RAB43: variants seen among roughly 807,000 people sequenced by gnomAD.
RAB43 encodes the protein ras-related protein Rab-43.
In RAB43, 6 loss-of-function variants were observed where a neutral mutation model predicts 18.8. The observed-to-expected ratio is 0.32, with a 90% CI of 0.17 to 0.63. RAB43 has a LOEUF of 0.63. Ranked by LOEUF, RAB43 falls within the 30% of genes least tolerant of loss-of-function variation. RAB43 has a pLI of 0.79. For synonymous variants in RAB43, 103 were observed against 124.1 expected (o/e 0.83, Z 1.13); for missense variants, 195 against 289.1 (o/e 0.67, Z 2.36).
chr3:129,092,305 A>G (rs978793925), intron 2 of RAB43, among the ~76,000 whole-genome samples: 2 of 152,188 alleles, frequency 1.3e-5, no homozygotes, highest in African/African-American at 4.8e-5. Flanking sequence ...AAGTGTTTAA[A>G]TATTTTGTAG....
intron 2 of RAB43, 97 bp from the exon 3 acceptor site, chr3:129,091,443 C>T (rs1201140585): frequency 7.0e-7 from 1 of 1,430,050 alleles, no homozygotes; most frequent in African/African-American, 1.4e-5. Flanking sequence ...CCACTCCCTT[C>T]CACCACTATA....
intron 1 of RAB43, among the ~76,000 whole-genome samples, chr3:129,103,958 A>G (rs1934593050): frequency 6.6e-6 from 1 of 152,072 alleles, no homozygotes; most frequent in African/African-American, 2.4e-5. Flanking sequence ...ACACACACAC[A>G]CATGCACACA....
intron 1 of RAB43, among the ~76,000 whole-genome samples, chr3:129,102,491 G>A (rs979989287): frequency 2.6e-5 from 4 of 151,920 alleles, no homozygotes; most frequent in African/African-American, 7.3e-5. Context: ...TTAGCTGGGC[G>A]TGGTGGCGGT....
intron 1 of RAB43, among the ~76,000 whole-genome samples, chr3:129,098,241 T>A (rs1934183522): frequency 6.6e-6 from 1 of 152,164 alleles, no homozygotes; most frequent in Non-Finnish European, 1.5e-5. Flanking sequence ...GCCTAAAGAA[T>A]AGGCCTCCAT....
intron 1 of RAB43, among the ~76,000 whole-genome samples, chr3:129,101,057 T>C (rs1487943584): frequency 6.6e-6 from 1 of 152,164 alleles, no homozygotes; most frequent in African/African-American, 2.4e-5. Flanking sequence ...CCACCCGCCA[T>C]GGCCTCCCAA....
At chr3:129,112,369 C>T (rs947322156) in intron 1 of RAB43, among the ~76,000 whole-genome samples, 2 of 151,972 alleles carry the variant, frequency 1.3e-5, no homozygotes, top group African/African-American at 4.8e-5. Context: ...TTTTATACTC[C>T]ATGGCCATAA....
intron 1 of RAB43, among the ~76,000 whole-genome samples, chr3:129,120,378 C>T (rs974639257): frequency 6.6e-6 from 1 of 152,172 alleles, no homozygotes; most frequent in South Asian, 2.1e-4. Context: ...CAGCCCTGTG[C>T]CCTGAGGGTG....
In RAB43 at chr3:129,095,220, G is replaced by A; in HGVS notation, c.205-51C>T. ...ACCCAGTGGCACAGGCTGAACATGG[G>A]GACAGGCAGAGTGACCCCACAGACC... On this transcript the variant is annotated intron_variant, in intron 1 of 2. Transcript: ENST00000315150. This position sits in a 1 kb window ranked among gnomAD's most constrained non-coding sequence, Gnocchi z 4.2. 2 of 1,583,344 alleles carry A rather than the reference G, an allele frequency of 1.3e-6. No homozygotes were observed. The highest frequency in any genetic ancestry group is 1.7e-6 in the Non-Finnish European group (2 of 1,163,080).
intron 1 of RAB43, among the ~76,000 whole-genome samples, chr3:129,117,685 C>A (rs1195055598): frequency 6.6e-6 from 1 of 152,228 alleles, no homozygotes; most frequent in East Asian, 1.9e-4. Context: ...GCAATGGCCA[C>A]AACTGCATTT....
At chr3:129,093,059 C>T (rs920750276) in intron 2 of RAB43, among the ~76,000 whole-genome samples, 4 of 151,496 alleles carry the variant, frequency 2.6e-5, no homozygotes, top group African/African-American at 4.8e-5. Flanking sequence ...GGCACGATCT[C>T]GGCTCACTAC....
intron 1 of RAB43, among the ~76,000 whole-genome samples, chr3:129,120,918 G>A (rs1428730556): frequency 1.3e-5 from 2 of 152,194 alleles, no homozygotes; most frequent in Non-Finnish European, 2.9e-5. Context: ...GAGGTGGGGG[G>A]TCTGATCTCC....
At position 129,121,626 on chromosome 3, in the gene RAB43, C is replaced by T. The variant is rs1020605334; in HGVS notation, c.-137G>A. The T allele has an allele frequency of 9.5e-6, 6 of 632,024 alleles. No homozygotes were observed. The highest frequency in any genetic ancestry group is 1.2e-5 in the Non-Finnish European group (5 of 403,958). The allele number at this position is 632,024 out of a possible 1,614,324, so 39.2% of individuals were successfully genotyped here. A position where few individuals can be genotyped will look rare whatever the true frequency, so the allele number is the denominator to read the frequency against. On this transcript the variant is annotated 5_prime_UTR_variant, in exon 1 of 3. Coordinates refer to ENST00000315150, the MANE Select transcript of RAB43 (RefSeq NM_198490.3). ...GGAGCCGCCGCAACACCTGAACCCC[C>T]AGCACTGCCGACCGCCTGCCTCGGC... is the stretch of plus-strand genomic sequence containing the variant.
chr3:129,113,100 G>C (rs1486835352), intron 1 of RAB43, among the ~76,000 whole-genome samples: 1 of 151,834 alleles, frequency 6.6e-6, no homozygotes, highest in East Asian at 1.9e-4. Flanking sequence ...TACTCAAAGA[G>C]ATGACTCTGA....
chr3:129,116,812 C>G (rs539850310), intron 1 of RAB43, among the ~76,000 whole-genome samples: 2 of 152,042 alleles, frequency 1.3e-5, no homozygotes. Context: ...GACTTGAGGC[C>G]GGTGTGCCTA....
At position 129,114,496 on chromosome 3, in the gene RAB43, C is replaced by T. The variant is rs374659623; in HGVS notation, c.204+6790G>A. Among the ~76,000 whole-genome samples the T allele has an allele frequency of 9.8e-5, 15 of 152,294 alleles. No individual in the cohort carries two copies. The East Asian group carries it at 2.9e-3, about 29-fold the overall frequency. ...GGGTGGCTATGAGGATCAAATGCAA[C>T]AACTCATGAGAAAAGCGATGGAAAC... is the stretch of plus-strand genomic sequence containing the variant. On this transcript the variant is annotated intron_variant, in intron 1 of 2. Transcript: ENST00000315150.
chr3:129,097,446 C>G (rs1273625322), intron 1 of RAB43, among the ~76,000 whole-genome samples: 1 of 152,180 alleles, frequency 6.6e-6, no homozygotes, highest in Admixed American at 6.5e-5. Flanking sequence ...AACCAGTAGT[C>G]AAGTGTGAGG....
chr3:129,098,681 A>C (rs1934210619), intron 1 of RAB43, among the ~76,000 whole-genome samples: 1 of 152,254 alleles, frequency 6.6e-6, no homozygotes, highest in African/African-American at 2.4e-5. Context: ...GAGTTAAAGA[A>C]AAACATCGCC....
intron 2 of RAB43, among the ~76,000 whole-genome samples, chr3:129,094,501 CTTTCT>C (rs1173363168): frequency 1.3e-5 from 1 of 76,310 alleles, no homozygotes; most frequent in Admixed American, 1.7e-4. Context: ...TTGAATATAA[CTTTCT>C]TTTTTTTTTT....
chr3:129,109,254 C>T (rs1158050282), intron 1 of RAB43, among the ~76,000 whole-genome samples: 1 of 151,756 alleles, frequency 6.6e-6, no homozygotes, highest in East Asian at 1.9e-4. Flanking sequence ...ACTAAAAATA[C>T]AAAAAATTAG....
Sources: allele counts gnomAD v4.1 joint callset (sites outside exome capture counted in the v4.1 genomes callset), GRCh38; gene constraint gnomAD v4.1.1; non-coding constraint Gnocchi (gnomAD v3.1); transcripts MANE v1.5; gene names NCBI Gene and HGNC (gene_info 2026-07-23, HGNC 2026-07-21).